PARD3B: variants seen among roughly 807,000 people sequenced by gnomAD.
PARD3B encodes par-3 family cell polarity regulator beta.
Under a neutral mutation model 130.2 loss-of-function variants are expected in PARD3B, and 103 were observed. That is an observed-to-expected ratio of 0.79 (90% confidence interval 0.67 to 0.93). PARD3B has a LOEUF of 0.93. Ranked by LOEUF, PARD3B falls within the 40% of genes least tolerant of loss-of-function variation. PARD3B has a pLI of 0.00. For synonymous variants in PARD3B, 583 were observed against 553.2 expected, an observed-to-expected ratio of 1.05 and a Z score of -0.76; for missense variants, 1,609 against 1,499.2, an observed-to-expected ratio of 1.07 and a Z score of -1.21.
intron 18 of PARD3B, among the ~76,000 whole-genome samples, chr2:205,327,065 C>T (rs1322533675): frequency 1.3e-5 from 2 of 152,150 alleles, no homozygotes; most frequent in Non-Finnish European, 2.9e-5. Flanking sequence ...AGCTCTATCA[C>T]TGTATGTGTT....
chr2:205,329,013 CT>C (rs1411621659), intron 18 of PARD3B, among the ~76,000 whole-genome samples: 1 of 152,148 alleles, frequency 6.6e-6, no homozygotes, highest in African/African-American at 2.4e-5. Context: ...GAAATTAAAT[CT>C]TTGCTAAATA....
At chr2:205,227,421 C>T (rs1181234105) in intron 15 of PARD3B, among the ~76,000 whole-genome samples, 6 of 152,114 alleles carry the variant, frequency 3.9e-5, no homozygotes, top group Admixed American at 2.6e-4. Context: ...AGCCCTTTAT[C>T]ATTATATAGT....
intron 22 of PARD3B, among the ~76,000 whole-genome samples, chr2:205,587,860 C>A (rs999834348): frequency 1.3e-5 from 2 of 152,178 alleles, no homozygotes; most frequent in African/African-American, 4.8e-5. Flanking sequence ...CCCTGCTTTG[C>A]AGAGACAGCA....
At chr2:204,983,387 G>A (rs930078981) in intron 3 of PARD3B, among the ~76,000 whole-genome samples, 1 of 148,402 alleles carries the variant, frequency 6.7e-6, no homozygotes, top group Admixed American at 6.7e-5. Flanking sequence ...AAAAATGTAA[G>A]CATGGTGGCT....
At chr2:205,491,235 T>C (rs2049693789) in intron 20 of PARD3B, among the ~76,000 whole-genome samples, 1 of 152,226 alleles carries the variant, frequency 6.6e-6, no homozygotes, top group Non-Finnish European at 1.5e-5. Flanking sequence ...TTTCTATGGT[T>C]TTAAGTCTTA....
intron 19 of PARD3B, among the ~76,000 whole-genome samples, chr2:205,422,849 G>GGCTTAGCTTAGGTCGGTTGGT (rs60470327): frequency 6.6e-6 from 1 of 152,084 alleles, no homozygotes; most frequent in South Asian, 2.1e-4. Context: ...GAAAAGAATA[G>GGCTTAGCTTAGGTCGGTTGGT]CTTGGTGAAG....
chr2:205,275,694 G>A (rs1043597491), intron 16 of PARD3B, among the ~76,000 whole-genome samples: 122 of 151,784 alleles, frequency 8.0e-4, no homozygotes, highest in African/African-American at 2.8e-3. Context: ...AAAATTAGCC[G>A]GGCATGGTGG....
chr2:205,344,896 G>A (rs995231034), intron 18 of PARD3B, among the ~76,000 whole-genome samples: 4 of 152,164 alleles, frequency 2.6e-5, no homozygotes, highest in Non-Finnish European at 5.9e-5. Flanking sequence ...TGAAAGTTGG[G>A]TAACGAGGAA....
At chr2:204,961,033 A>C (rs1383089782) in intron 2 of PARD3B, among the ~76,000 whole-genome samples, 1 of 152,188 alleles carries the variant, frequency 6.6e-6, no homozygotes, top group East Asian at 1.9e-4. Flanking sequence ...ACAATAGTGC[A>C]GCTGGATGGA....
intron 4 of PARD3B, among the ~76,000 whole-genome samples, chr2:205,056,767 AAAGG>A (rs1246808381): frequency 2.6e-5 from 4 of 151,978 alleles, no homozygotes; most frequent in Non-Finnish European, 5.9e-5. Context: ...ATATCCTTTG[AAAGG>A]AAAAAGTAGA....
chr2:205,519,102 TCTGTATTTC>T (rs2050919955), intron 21 of PARD3B, among the ~76,000 whole-genome samples: 1 of 152,230 alleles, frequency 6.6e-6, no homozygotes, highest in Non-Finnish European at 1.5e-5. Context: ...GCAGGAGTTA[TCTGTATTTC>T]CTGAGTTTGA....
In PARD3B at chr2:205,276,210, A is replaced by G. The variant is rs1293722955; in HGVS notation, c.2186-24320A>G. On this transcript the variant is annotated intron_variant, in intron 16 of 22. Transcript: ENST00000406610. This position sits in a 1 kb window ranked among gnomAD's most constrained non-coding sequence, Gnocchi z 5.0. Reference sequence around the variant, plus strand: ...AGAAACAGGGGAAGTAGAAATGTGGATGGGAAGAGCATTTAGCAGTCTCAT... The same window carrying G: ...AGAAACAGGGGAAGTAGAAATGTGGGTGGGAAGAGCATTTAGCAGTCTCAT... Among the ~76,000 whole-genome samples, 6 of 152,214 alleles carry G rather than the reference A, an allele frequency of 3.9e-5. No individual in the cohort carries two copies. The highest frequency in any genetic ancestry group is 1.2e-4 in the African/African-American group (5 of 41,466).
intron 2 of PARD3B, among the ~76,000 whole-genome samples, chr2:204,823,565 T>A (rs191499970): frequency 6.6e-6 from 1 of 152,122 alleles, no homozygotes; most frequent in African/African-American, 2.4e-5. Context: ...TTGAGATGCT[T>A]GTGGATGCAT....
intron 3 of PARD3B, among the ~76,000 whole-genome samples, chr2:204,979,318 G>C (rs750304555): frequency 6.6e-6 from 1 of 152,152 alleles, no homozygotes; most frequent in Admixed American, 6.6e-5. Context: ...GGATGAAGGC[G>C]GGCAACCAGC....
chr2:205,527,729 C>G (rs530063148), intron 21 of PARD3B, among the ~76,000 whole-genome samples: 5 of 152,280 alleles, frequency 3.3e-5, no homozygotes, highest in African/African-American at 1.2e-4. Flanking sequence ...ATGCCATTAT[C>G]ATAGAGAGTA....
intron 4 of PARD3B, among the ~76,000 whole-genome samples, chr2:205,055,818 T>C (rs1211286206): frequency 6.6e-6 from 1 of 152,138 alleles, no homozygotes; most frequent in African/African-American, 2.4e-5. Context: ...ACACCAATAA[T>C]CATTTTTTAT....
chr2:204,846,589 A>G (rs1388720393), intron 2 of PARD3B, among the ~76,000 whole-genome samples: 2 of 151,296 alleles, frequency 1.3e-5, no homozygotes, highest in Non-Finnish European at 2.9e-5. Context: ...TTAGTGTCTT[A>G]TAAGAAGAGT....
intron 16 of PARD3B, among the ~76,000 whole-genome samples, chr2:205,293,187 A>G (rs960840253): frequency 1.3e-5 from 2 of 152,210 alleles, no homozygotes; most frequent in Admixed American, 6.5e-5. Flanking sequence ...ATACATTCAT[A>G]TATGTACCCT....
At chr2:204,960,505 C>G (rs1281075454) in intron 2 of PARD3B, among the ~76,000 whole-genome samples, 1 of 152,092 alleles carries the variant, frequency 6.6e-6, no homozygotes, top group African/African-American at 2.4e-5. Flanking sequence ...ATGATGATAC[C>G]TAGAGCATCT....
Sources: gnomAD v4.1 joint callset for allele counts (sites outside exome capture counted in the v4.1 genomes callset) on GRCh38, gnomAD v4.1.1 for gene constraint, Gnocchi (gnomAD v3.1) non-coding constraint, MANE v1.5 for transcripts, NCBI Gene and HGNC (gene_info 2026-07-23, HGNC 2026-07-21) for gene names.